The following SGCD variants were observed in gnomAD, a reference collection of about 807,000 sequenced individuals.
The protein encoded by SGCD is sarcoglycan delta.
In SGCD, 18 loss-of-function variants were observed where a neutral mutation model predicts 36.6. That is an observed-to-expected ratio of 0.49 (90% CI 0.34 to 0.73). SGCD has a LOEUF of 0.73. Among genes scored for constraint, SGCD ranks in the 30% least tolerant of loss-of-function variants. The pLI, the probability that SGCD is intolerant of heterozygous loss-of-function variation, is 0.01. For synonymous variants in SGCD, 133 were observed against 130.6 expected, an observed-to-expected ratio of 1.02 and a Z score of -0.12; for missense variants, 387 against 346.7, an observed-to-expected ratio of 1.12 and a Z score of -0.92.
intron 1 of SGCD, among the ~76,000 whole-genome samples, chr5:155,902,926 A>G (rs775129620): frequency 6.6e-6 from 1 of 152,206 alleles, no homozygotes; most frequent in Non-Finnish European, 1.5e-5. Flanking sequence ...AGGACTTTAT[A>G]GATACGAGTT....
At chr5:156,699,104 C>T (rs906580901) in intron 7 of SGCD, among the ~76,000 whole-genome samples, 2 of 152,182 alleles carry the variant, frequency 1.3e-5, no homozygotes, top group African/African-American at 4.8e-5. Context: ...TGAAATTAAA[C>T]ATTCTGAACA....
intron 7 of SGCD, among the ~76,000 whole-genome samples, chr5:156,745,867 A>C (rs943457195): frequency 2.0e-5 from 3 of 152,132 alleles, no homozygotes; most frequent in African/African-American, 7.2e-5. Flanking sequence ...TCAAAAGCAG[A>C]GAGACAGAAG....
At chr5:156,216,596 T>C (rs964300268) in intron 3 of SGCD, among the ~76,000 whole-genome samples, 1 of 152,214 alleles carries the variant, frequency 6.6e-6, no homozygotes, top group Admixed American at 6.5e-5. Flanking sequence ...TAGCACCTTT[T>C]AAATACAATG....
intron 1 of SGCD, among the ~76,000 whole-genome samples, chr5:156,070,715 C>T (rs1368149158): frequency 2.0e-5 from 3 of 152,046 alleles, no homozygotes; most frequent in East Asian, 3.9e-4. Flanking sequence ...GGTACCAGTT[C>T]CTCCTTGTAC....
chr5:156,223,005 C>G (rs1295013964), intron 3 of SGCD, among the ~76,000 whole-genome samples: 1 of 152,072 alleles, frequency 6.6e-6, no homozygotes, highest in Non-Finnish European at 1.5e-5. Context: ...CACCCAACAA[C>G]CATACATACT....
At chr5:156,118,874 A>G (rs1446745997) in intron 2 of SGCD, among the ~76,000 whole-genome samples, 1 of 152,196 alleles carries the variant, frequency 6.6e-6, no homozygotes, top group Non-Finnish European at 1.5e-5. Flanking sequence ...CTAGAAATAA[A>G]CAGAAGGGAA....
At chr5:156,148,954 A>T (rs1376034307) in intron 3 of SGCD, among the ~76,000 whole-genome samples, 1 of 152,158 alleles carries the variant, frequency 6.6e-6, no homozygotes, top group African/African-American at 2.4e-5. Context: ...TCTGAGAAAG[A>T]CTTTGGGGTC....
chr5:156,747,608 C>T (rs1217271338), intron 7 of SGCD, among the ~76,000 whole-genome samples: 1 of 152,184 alleles, frequency 6.6e-6, no homozygotes, highest in Non-Finnish European at 1.5e-5. Flanking sequence ...CAGCTATCAA[C>T]ATGGTAGCCG....
At chr5:156,542,381 T>G (rs1758383191) in intron 4 of SGCD, among the ~76,000 whole-genome samples, 1 of 152,336 alleles carries the variant, frequency 6.6e-6, no homozygotes, top group Non-Finnish European at 1.5e-5. Context: ...CAAGGTAGTT[T>G]AGTTTGCATT....
the SGCD span, among the ~76,000 whole-genome samples, chr5:155,738,676 G>C: frequency 6.8e-6 from 1 of 147,454 alleles, no homozygotes; most frequent in Non-Finnish European, 1.5e-5. Context: ...GTGTGTAGGA[G>C]AGTGTGTGTG....
chr5:156,394,003 C>T (rs1177569702), intron 3 of SGCD: 3 of 353,952 alleles, frequency 8.5e-6, no homozygotes, highest in African/African-American at 2.1e-5. Context: ...TAACTAATTA[C>T]ATCAATTGTG....
At chr5:156,691,607 A>G (rs1189635375) in intron 7 of SGCD, among the ~76,000 whole-genome samples, 1 of 152,252 alleles carries the variant, frequency 6.6e-6, no homozygotes, top group Non-Finnish European at 1.5e-5. Context: ...ATTTATGGAC[A>G]GTGATAATCA....
At chr5:156,698,834 T>C (rs796245801) in intron 7 of SGCD, among the ~76,000 whole-genome samples, 21 of 103,572 alleles carry the variant, frequency 2.0e-4, no homozygotes, top group African/African-American at 8.3e-4. Context: ...GAAAACTAAA[T>C]TAAAATACAC....
At chr5:156,602,839 C>G (rs1180190104) in intron 6 of SGCD, among the ~76,000 whole-genome samples, 1 of 152,074 alleles carries the variant, frequency 6.6e-6, no homozygotes, top group Non-Finnish European at 1.5e-5. Flanking sequence ...TAAATTCAGT[C>G]AGTTAATATT....
intron 3 of SGCD, among the ~76,000 whole-genome samples, chr5:156,227,890 G>A (rs1382458249): frequency 1.3e-5 from 2 of 151,938 alleles, no homozygotes; most frequent in Admixed American, 6.6e-5. Context: ...TCTTGATTTC[G>A]TTTTTGATCC....
chr5:156,744,017 C>T (rs1399605047), intron 7 of SGCD, among the ~76,000 whole-genome samples: 2 of 152,134 alleles, frequency 1.3e-5, no homozygotes, highest in Non-Finnish European at 2.9e-5. Flanking sequence ...CAAGCCAAAG[C>T]AGGCAGTTAA....
In SGCD at chr5:156,453,727, C is replaced by T. The variant is rs1027065323; in HGVS notation, c.193-54874C>T. 5.1e-4 allele frequency among the ~76,000 whole-genome samples: 78 copies of T among 152,178 alleles called. 1 individual carries two copies. The highest frequency in any genetic ancestry group is 1.7e-3 in the African/African-American group (72 of 41,506). On this transcript the variant is annotated intron_variant, in intron 3 of 8. Transcript: ENST00000337851. Reference sequence around the variant, plus strand: ...TGGCAATAGTGCCAAGGTTGAAAATCCCTGGAATAAAAAACAAACAAACAA... The same window carrying T: ...TGGCAATAGTGCCAAGGTTGAAAATTCCTGGAATAAAAAACAAACAAACAA...
At chr5:156,544,420 A>G (rs1487733720) in intron 4 of SGCD, among the ~76,000 whole-genome samples, 2 of 152,152 alleles carry the variant, frequency 1.3e-5, no homozygotes, top group African/African-American at 4.8e-5. Context: ...GAAATGTGTA[A>G]CTTTGCCAAA....
Position 156,285,963 on chromosome 5 carries a change from C to A in SGCD, c.-43-43571C>A, listed in dbSNP as rs534971300. Reference sequence around the variant, plus strand: ...AATATCCAGAATCTACAATGAACTCCAACAAATTTACAAGAAAAAAACGAA... The same window carrying A: ...AATATCCAGAATCTACAATGAACTCAAACAAATTTACAAGAAAAAAACGAA... On this transcript the variant is annotated intron_variant, in intron 3 of 9. Transcript: ENST00000517913. 2.1e-4 allele frequency among the ~76,000 whole-genome samples: 32 copies of A among 151,934 alleles called. No homozygotes were observed. In the South Asian group the frequency reaches 4.0e-3, roughly 19 times the overall value.
Sources: gnomAD v4.1 joint callset for allele counts (sites outside exome capture counted in the v4.1 genomes callset) on GRCh38, gnomAD v4.1.1 for gene constraint, MANE v1.5 for transcripts, NCBI Gene and HGNC (gene_info 2026-07-23, HGNC 2026-07-21) for gene names.